CLVS1: variants seen among roughly 807,000 people sequenced by gnomAD.
CLVS1 encodes clavesin-1.
Under a neutral mutation model 33.1 loss-of-function variants are expected in CLVS1, and 10 were observed. The ratio of observed to expected loss-of-function variants is 0.30; its 90% confidence interval spans 0.19 to 0.51. The LOEUF (loss-of-function observed/expected upper bound fraction) is 0.51. Among genes scored for constraint, CLVS1 ranks in the 20% least tolerant of loss-of-function variants. CLVS1 has a pLI of 0.97. For missense variants in CLVS1, 343 were observed against 433.4 expected (o/e 0.79, Z 1.85); for synonymous variants, 163 against 166.1 (o/e 0.98, Z 0.14).
chr8:61,397,271 G>A (rs1333641638), intron 3 of CLVS1, among the ~76,000 whole-genome samples: 2 of 151,878 alleles, frequency 1.3e-5, no homozygotes, highest in Non-Finnish European at 2.9e-5. Flanking sequence ...ATCTCATTGT[G>A]GTTTTGCTTT....
chr8:61,484,249 A>G (rs900514108), intron 5 of CLVS1, among the ~76,000 whole-genome samples: 1 of 152,250 alleles, frequency 6.6e-6, no homozygotes. Flanking sequence ...GCAAAGTCTC[A>G]GGATACAAAA....
the CLVS1 span, among the ~76,000 whole-genome samples, chr8:61,031,639 T>G: frequency 6.6e-6 from 1 of 152,208 alleles, no homozygotes; most frequent in Non-Finnish European, 1.5e-5. Flanking sequence ...AACACAGAAC[T>G]GCACGGCAGA....
chr8:61,190,602 A>G (rs1807449664), intron 2 of CLVS1, among the ~76,000 whole-genome samples: 1 of 152,216 alleles, frequency 6.6e-6, no homozygotes, highest in African/African-American at 2.4e-5. Context: ...TTTTGAAAAG[A>G]TCAACAAAAT....
rs1807777661 is a variant in CLVS1, at chr8:61,203,358, T to A, written c.-152+71498T>A. ...CCGTGTTTGATAAATGTTGTCCAGG[T>A]TCTATTGCCAAGAATGTGTTGTCCA... is the stretch of plus-strand genomic sequence containing the variant. On this transcript the variant is annotated intron_variant, in intron 2 of 2. Transcript: ENST00000522621. The A allele has an allele frequency of 6.9e-6, 4 of 575,892 alleles. No individual in the cohort carries two copies. In the South Asian group the frequency reaches 7.7e-5, roughly 11 times the overall value. The allele number at this position is 575,892 out of a possible 1,614,324, so 35.7% of individuals were successfully genotyped here.
At chr8:61,389,306 G>A (rs1368313543) in intron 3 of CLVS1, among the ~76,000 whole-genome samples, 2 of 152,286 alleles carry the variant, frequency 1.3e-5, no homozygotes, top group South Asian at 4.1e-4. Context: ...TTGGGAGGCC[G>A]AGGCGGGTGG....
chr8:61,244,598 T>C (rs369196536), intron 2 of CLVS1, among the ~76,000 whole-genome samples: 1 of 152,176 alleles, frequency 6.6e-6, no homozygotes, highest in African/African-American at 2.4e-5. Flanking sequence ...TGAAAACTTA[T>C]ACAACACCAA....
At chr8:61,221,191 G>A (rs1808208604) in intron 2 of CLVS1, among the ~76,000 whole-genome samples, 1 of 152,012 alleles carries the variant, frequency 6.6e-6, no homozygotes, top group Non-Finnish European at 1.5e-5. Context: ...TTCTTGCCTG[G>A]TTGCCCTGGC....
intron 2 of CLVS1, among the ~76,000 whole-genome samples, chr8:61,369,860 C>G (rs1813361213): frequency 6.6e-6 from 1 of 152,164 alleles, no homozygotes. Context: ...CAAAATACAT[C>G]AGCAGATGTA....
At chr8:61,396,113 C>G (rs531683594) in intron 3 of CLVS1, among the ~76,000 whole-genome samples, 1 of 152,216 alleles carries the variant, frequency 6.6e-6, no homozygotes, top group African/African-American at 2.4e-5. Flanking sequence ...ACGTTCCATC[C>G]TTTTCACTTT....
intron 5 of CLVS1, among the ~76,000 whole-genome samples, chr8:61,466,741 G>T (rs917848826): frequency 5.3e-5 from 8 of 152,044 alleles, no homozygotes; most frequent in African/African-American, 1.7e-4. Flanking sequence ...TCCACCTCCC[G>T]GGTTCAAGTG....
chr8:61,124,022 C>A (rs1805927385), intron 1 of CLVS1, among the ~76,000 whole-genome samples: 1 of 151,826 alleles, frequency 6.6e-6, no homozygotes, highest in East Asian at 1.9e-4. Context: ...GGCACAGAGA[C>A]AAAAAGACTC....
chr8:61,023,369 G>T, the CLVS1 span, among the ~76,000 whole-genome samples: 2 of 152,220 alleles, frequency 1.3e-5, no homozygotes. Context: ...GCTTGGAGAC[G>T]GGGACAGAGT....
chr8:61,302,276 A>G (rs1007465914), intron 2 of CLVS1, among the ~76,000 whole-genome samples: 5 of 152,228 alleles, frequency 3.3e-5, no homozygotes, highest in African/African-American at 1.2e-4. Flanking sequence ...TTCTGTAATG[A>G]TATGGAATAA....
intron 1 of CLVS1, among the ~76,000 whole-genome samples, chr8:61,298,103 G>T (rs1414234429): frequency 6.6e-6 from 1 of 152,184 alleles, no homozygotes; most frequent in Non-Finnish European, 1.5e-5. Flanking sequence ...TCAGCAGCAT[G>T]TCACAGATAG....
intron 1 of CLVS1, among the ~76,000 whole-genome samples, chr8:61,131,264 G>A (rs751729178): frequency 6.6e-6 from 1 of 152,228 alleles, no homozygotes. Flanking sequence ...GGAATGAGGA[G>A]AATGGATTCA....
the CLVS1 span, among the ~76,000 whole-genome samples, chr8:60,984,891 C>T: frequency 6.6e-6 from 1 of 152,128 alleles, no homozygotes; most frequent in African/African-American, 2.4e-5. Flanking sequence ...TCCTTTCTTT[C>T]CCAAATCCCT....
intron 2 of CLVS1, among the ~76,000 whole-genome samples, chr8:61,188,959 A>G (rs1432802607): frequency 6.6e-6 from 1 of 152,144 alleles, no homozygotes; most frequent in Non-Finnish European, 1.5e-5. Flanking sequence ...AGAAATCCTA[A>G]GCAGGATAAA....
intron 1 of CLVS1, among the ~76,000 whole-genome samples, chr8:61,083,176 A>T (rs1585596781): frequency 6.6e-6 from 1 of 152,274 alleles, no homozygotes; most frequent in South Asian, 2.1e-4. Context: ...AAATGAAGGG[A>T]AAATAAAAGG....
chr8:61,195,266 T>A (rs1047313647), intron 2 of CLVS1, among the ~76,000 whole-genome samples: 2 of 151,644 alleles, frequency 1.3e-5, no homozygotes, highest in African/African-American at 4.8e-5. Flanking sequence ...AAACCTCTGG[T>A]GAAATCAGGA....
Sources: allele counts gnomAD v4.1 joint callset (sites outside exome capture counted in the v4.1 genomes callset), GRCh38; gene constraint gnomAD v4.1.1; transcripts MANE v1.5; gene names NCBI Gene and HGNC (gene_info 2026-07-23, HGNC 2026-07-21).